Variants in GALK2 observed in about 807,000 individuals in gnomAD.
The protein encoded by GALK2 is N-acetylgalactosamine kinase.
In GALK2, 36 loss-of-function variants were observed where a neutral mutation model predicts 52.4. The ratio of observed to expected loss-of-function variants is 0.69; its 90% CI spans 0.53 to 0.91. The LOEUF (loss-of-function observed/expected upper bound fraction) is 0.91, where lower values mean the gene tolerates loss of function less well. Ranked by LOEUF, GALK2 falls within the 40% of genes least tolerant of loss-of-function variation. The pLI is 0.00. For synonymous variants in GALK2, 176 were observed against 199.1 expected (o/e 0.88, Z 0.98); for missense variants, 579 against 559.1 (o/e 1.04, Z -0.36).
chr15:49,346,048 G>A (rs1596345959), intron 3 of GALK2, among the ~76,000 whole-genome samples: 1 of 117,072 alleles, frequency 8.5e-6, no homozygotes, highest in Non-Finnish European at 1.9e-5. Flanking sequence ...ACTTGCTTTT[G>A]TTATTTTTTT....
chr15:49,286,790 ATTTG>A (rs1479365483), intron 7 of GALK2, among the ~76,000 whole-genome samples: 2 of 152,108 alleles, frequency 1.3e-5, no homozygotes, highest in Non-Finnish European at 2.9e-5. Context: ...TTAGTGTCTT[ATTTG>A]TTTGAGGGCT....
At chr15:49,340,962 A>G (rs2040634151) in intron 3 of GALK2, among the ~76,000 whole-genome samples, 1 of 152,346 alleles carries the variant, frequency 6.6e-6, no homozygotes, top group East Asian at 1.9e-4. Context: ...GAAAGGGTCC[A>G]GTTCCAATCT....
At position 49,226,558 on chromosome 15, in the gene GALK2, T is replaced by G. The variant is rs1375631498; in HGVS notation, c.266+9245T>G. Reference sequence around the variant, plus strand: ...CCTCCAAAAGCTTTAACCCTTTATGTTTTTTTTTAGTAGCTACTTTATTTA... The same window carrying G: ...CCTCCAAAAGCTTTAACCCTTTATGGTTTTTTTTAGTAGCTACTTTATTTA... On this transcript the variant is annotated intron_variant, in intron 3 of 9. Transcript: ENST00000560031. 2.1e-5 allele frequency: 3 copies of G among 142,284 alleles called. No individual in the cohort carries two copies. The East Asian group carries it at 5.8e-4, about 28-fold the overall frequency. The allele number at this position is 142,284 out of a possible 1,614,324, so 8.8% of individuals were successfully genotyped here.
Position 49,193,362 on chromosome 15 carries a change from C to CT in GALK2, c.54-7789dup, listed in dbSNP as rs79026943. 9.4e-3 allele frequency among the ~76,000 whole-genome samples: 1,321 copies of CT among 140,152 alleles called. 12 individuals carry two copies. Among genetic ancestry groups the CT allele is most frequent in the Non-Finnish European group, 0.015 (933 of 63,864 alleles). 91.9% of individuals were successfully genotyped at this position (140,152 alleles called of 152,430 possible). Reference sequence around the variant, plus strand: ...TCTTTTTCACATGGTTTTTAAGAGGCTTTTTTTTTTTAATGTAAGGGATAT... The same window carrying CT: ...TCTTTTTCACATGGTTTTTAAGAGGCTTTTTTTTTTTTAATGTAAGGGATAT... On this transcript the variant is annotated intron_variant, in intron 1 of 9. Transcript: ENST00000560031.
intron 3 of GALK2, among the ~76,000 whole-genome samples, chr15:49,232,650 G>T (rs540948734): frequency 4.1e-4 from 62 of 152,294 alleles, no homozygotes; most frequent in South Asian, 3.5e-3. Flanking sequence ...TCACGCATAT[G>T]AACATAGGTT....
intron 1 of GALK2, among the ~76,000 whole-genome samples, chr15:49,185,010 G>C (rs1426913963): frequency 6.6e-6 from 1 of 151,984 alleles, no homozygotes; most frequent in Admixed American, 6.6e-5. Flanking sequence ...TTGATATGTG[G>C]GTACATGTGC....
chr15:49,188,169 C>A (rs2086491508), intron 1 of GALK2, among the ~76,000 whole-genome samples: 1 of 152,110 alleles, frequency 6.6e-6, no homozygotes, highest in African/African-American at 2.4e-5. Context: ...AGTAGATTCC[C>A]CTCTGGTCCA....
In GALK2 at chr15:49,210,479, G is replaced by A. The variant is rs892308620; in HGVS notation, c.143-6711G>A. On this transcript the variant is annotated intron_variant, in intron 2 of 9. Coordinates refer to ENST00000560031, the MANE Select transcript of GALK2 (RefSeq NM_002044.4). Reference sequence around the variant, plus strand: ...TTTGAGATGGAGTTCTGCTCTTGTTGCCCAAGCTGGAGTGCAATGGTGCGA... The same window carrying A: ...TTTGAGATGGAGTTCTGCTCTTGTTACCCAAGCTGGAGTGCAATGGTGCGA... Among the ~76,000 whole-genome samples the A allele has an allele frequency of 9.3e-5, 14 of 151,088 alleles. No homozygotes were observed. The East Asian group carries it at 2.7e-3, about 29-fold the overall frequency.
intron 3 of GALK2, among the ~76,000 whole-genome samples, chr15:49,358,636 C>G (rs1000008209): frequency 2.7e-5 from 4 of 149,544 alleles, no homozygotes; most frequent in Non-Finnish European, 6.0e-5. Flanking sequence ...TAGGAAGAAT[C>G]AATATCGTGA....
chr15:49,319,561 G>C (rs1159141094), intron 8 of GALK2, 43 bp from the exon 9 acceptor site: 12 of 1,561,022 alleles, frequency 7.7e-6, no homozygotes, highest in Non-Finnish European at 1.1e-5. Flanking sequence ...GGGTTGTCCA[G>C]TAACTATTCC....
chr15:49,218,899 C>T (rs904156169), intron 3 of GALK2, among the ~76,000 whole-genome samples: 1 of 152,138 alleles, frequency 6.6e-6, no homozygotes, highest in African/African-American at 2.4e-5. Flanking sequence ...GATCTCAGCT[C>T]AACTCAACCT....
chr15:49,171,656 A>G (rs753924251), intron 1 of GALK2, among the ~76,000 whole-genome samples: 3 of 152,218 alleles, frequency 2.0e-5, no homozygotes, highest in Non-Finnish European at 4.4e-5. Context: ...AGGTTCTTGT[A>G]TAGCACTGTT....
intron 1 of GALK2, among the ~76,000 whole-genome samples, chr15:49,173,124 A>C (rs2085209714): frequency 6.6e-6 from 1 of 152,088 alleles, no homozygotes; most frequent in Admixed American, 6.6e-5. Context: ...AGATTTAGTC[A>C]CTTTGGGCAT....
Position 49,259,312 on chromosome 15 carries a change from A to G in GALK2, c.504+19945A>G, listed in dbSNP as rs183522571. On this transcript the variant is annotated intron_variant, in intron 5 of 9. Transcript: ENST00000560031. ...ATTAACTCCTCATTTAGCATTAGGT[A>G]TATCTCCTAAAGCTATCCATCCCCC... is the stretch of plus-strand genomic sequence containing the variant. Among the ~76,000 whole-genome samples, 492 of 150,214 alleles carry G rather than the reference A, an allele frequency of 3.3e-3. 1 individual carries two copies. Among genetic ancestry groups the G allele is most frequent in the African/African-American group, 0.011 (469 of 40,900 alleles).
At chr15:49,273,900 C>T (rs1032117276) in intron 5 of GALK2, among the ~76,000 whole-genome samples, 3 of 152,140 alleles carry the variant, frequency 2.0e-5, no homozygotes, top group Non-Finnish European at 4.4e-5. Flanking sequence ...AAACAGATGG[C>T]ACACTCAATG....
chr15:49,278,788 A>G (rs1467510912), intron 5 of GALK2, among the ~76,000 whole-genome samples: 3 of 152,240 alleles, frequency 2.0e-5, no homozygotes, highest in African/African-American at 7.2e-5. Context: ...TTATAGGTGT[A>G]TTAGTCCGTT....
chr15:49,356,138 G>T (rs1596468298), intron 3 of GALK2, among the ~76,000 whole-genome samples: 1 of 152,170 alleles, frequency 6.6e-6, no homozygotes, highest in East Asian at 1.9e-4. Context: ...GTAAAATCAT[G>T]CCAAAATGTA....
At chr15:49,298,163 C>T (rs930232535) in intron 8 of GALK2, among the ~76,000 whole-genome samples, 5 of 151,938 alleles carry the variant, frequency 3.3e-5, no homozygotes, top group African/African-American at 1.2e-4. Flanking sequence ...CTAAGTATTT[C>T]ATTCTTTTTG....
intron 2 of GALK2, among the ~76,000 whole-genome samples, chr15:49,207,695 A>G (rs113234221): frequency 0.031 from 4,741 of 152,218 alleles, 146 homozygotes; most frequent in African/African-American, 0.071. Context: ...ATCAATTGTA[A>G]TATCTCCTCT....
Sources: gnomAD v4.1 joint callset for allele counts (sites outside exome capture counted in the v4.1 genomes callset) on GRCh38, gnomAD v4.1.1 for gene constraint, MANE v1.5 for transcripts, NCBI Gene and HGNC (gene_info 2026-07-23, HGNC 2026-07-21) for gene names.